Variants in PDE1C observed in about 807,000 individuals in gnomAD.
The protein encoded by PDE1C is phosphodiesterase 1C, also known as dual specificity calcium/calmodulin-dependent 3',5'-cyclic nucleotide phosphodiesterase 1C.
PDE1C carries 62 observed loss-of-function variants against 93.1 expected under a neutral mutation model. That is an observed-to-expected ratio of 0.67 (90% confidence interval 0.54 to 0.82). The LOEUF is 0.82. Among genes scored for constraint, PDE1C ranks in the 40% least tolerant of loss-of-function variants. The probability of loss-of-function intolerance (pLI) is 0.00; values close to 1 mark genes in which losing one functional copy is unlikely to be tolerated. For missense variants in PDE1C, 742 were observed against 884.6 expected (o/e 0.84, Z 2.04); for synonymous variants, 325 against 310.1 (o/e 1.05, Z -0.50).
chr7:32,244,132 G>T (rs1041322217), intron 1 of PDE1C, among the ~76,000 whole-genome samples: 1 of 152,192 alleles, frequency 6.6e-6, no homozygotes, highest in East Asian at 1.9e-4. Context: ...CACCTGATTT[G>T]TGGAATGAAT....
At chr7:31,759,752 G>A (rs930659794) in intron 17 of PDE1C, among the ~76,000 whole-genome samples, 2 of 152,036 alleles carry the variant, frequency 1.3e-5, no homozygotes, top group African/African-American at 2.4e-5. Context: ...GCTCTTTTAG[G>A]AGTTTTAACT....
chr7:32,149,764 A>G (rs1231730870), intron 3 of PDE1C, among the ~76,000 whole-genome samples: 1 of 152,236 alleles, frequency 6.6e-6, no homozygotes, highest in African/African-American at 2.4e-5. Context: ...AGGAACAATG[A>G]GTGGCATTTT....
intron 2 of PDE1C, among the ~76,000 whole-genome samples, chr7:31,927,741 A>T (rs539635457): frequency 1.3e-5 from 2 of 152,286 alleles, no homozygotes; most frequent in Non-Finnish European, 1.5e-5. Flanking sequence ...CAATAACATC[A>T]ACATCCACAA....
At chr7:31,706,465 A>G in the PDE1C span, among the ~76,000 whole-genome samples, 1 of 152,244 alleles carries the variant, frequency 6.6e-6, no homozygotes, top group Admixed American at 6.5e-5. Flanking sequence ...ATCTCAAAAT[A>G]AAGAACAGCT....
intron 2 of PDE1C, among the ~76,000 whole-genome samples, chr7:32,004,615 A>G (rs1321543662): frequency 6.6e-6 from 1 of 152,186 alleles, no homozygotes; most frequent in African/African-American, 2.4e-5. Context: ...CCTGGCAGAG[A>G]GCAGAGCCTC....
At chr7:32,265,178 C>G (rs75079956) in intron 1 of PDE1C, among the ~76,000 whole-genome samples, 110 of 152,338 alleles carry the variant, frequency 7.2e-4, no homozygotes, top group African/African-American at 2.6e-3. Context: ...TGTCTCACTA[C>G]CCCTTAGCCC....
At chr7:31,643,280 A>G in the PDE1C span, 92 of 1,613,836 alleles carry the variant, frequency 5.7e-5, no homozygotes, top group South Asian at 6.4e-4. Flanking sequence ...CTCGTACCAG[A>G]AAGCTCATCA....
intron 3 of PDE1C, among the ~76,000 whole-genome samples, chr7:32,140,257 A>C (rs1000780794): frequency 6.6e-6 from 1 of 152,222 alleles, no homozygotes. Context: ...ATGAAGTTAC[A>C]GTGGTCACCT....
chr7:31,827,139 G>T (rs923096954), intron 12 of PDE1C, among the ~76,000 whole-genome samples: 3 of 152,004 alleles, frequency 2.0e-5, no homozygotes, highest in African/African-American at 7.3e-5. Flanking sequence ...GGCTTGATAC[G>T]TCCCTCACTA....
chr7:31,957,097 T>C (rs1376583117), intron 2 of PDE1C, among the ~76,000 whole-genome samples: 3 of 151,412 alleles, frequency 2.0e-5, no homozygotes, highest in Non-Finnish European at 4.4e-5. Flanking sequence ...AAATAATTGC[T>C]CTGTATTAAA....
At chr7:32,405,928 G>T (rs1237785665) in intron 1 of PDE1C, among the ~76,000 whole-genome samples, 1 of 152,166 alleles carries the variant, frequency 6.6e-6, no homozygotes, top group South Asian at 2.1e-4. Flanking sequence ...TCCATTAGAT[G>T]AACACCCATC....
At chr7:31,774,411 A>G (rs762374700) in intron 17 of PDE1C, among the ~76,000 whole-genome samples, 1 of 152,214 alleles carries the variant, frequency 6.6e-6, no homozygotes, top group Non-Finnish European at 1.5e-5. Flanking sequence ...GGATCATGAA[A>G]TGGACAAACT....
chr7:32,340,054 G>A (rs1373138631), intron 1 of PDE1C, among the ~76,000 whole-genome samples: 1 of 152,128 alleles, frequency 6.6e-6, no homozygotes, highest in Non-Finnish European at 1.5e-5. Flanking sequence ...GAGCTTTATG[G>A]GAAGTAAGGG....
intron 2 of PDE1C, among the ~76,000 whole-genome samples, chr7:31,976,051 A>G (rs1811621476): frequency 6.6e-6 from 1 of 152,244 alleles, no homozygotes; most frequent in South Asian, 2.1e-4. Context: ...AGAAAATACT[A>G]AACTCTGCTT....
chr7:32,273,783 T>C (rs545190878), intron 1 of PDE1C, among the ~76,000 whole-genome samples: 1 of 152,348 alleles, frequency 6.6e-6, no homozygotes, highest in South Asian at 2.1e-4. Context: ...GTCAACACCA[T>C]AAATGTGGCA....
intron 17 of PDE1C, among the ~76,000 whole-genome samples, chr7:31,766,367 G>A (rs1055213980): frequency 1.4e-4 from 20 of 147,706 alleles, no homozygotes; most frequent in Non-Finnish European, 2.7e-4. Context: ...CTGGGCGACA[G>A]AGCAAGACTG....
intron 1 of PDE1C, among the ~76,000 whole-genome samples, chr7:32,401,816 C>T (rs375790832): frequency 2.0e-5 from 3 of 152,180 alleles, no homozygotes; most frequent in Non-Finnish European, 4.4e-5. Context: ...AACTCGCCTA[C>T]GTCAGAGAGT....
At chr7:32,412,162 A>G (rs1785182995) in intron 1 of PDE1C, among the ~76,000 whole-genome samples, 1 of 152,230 alleles carries the variant, frequency 6.6e-6, no homozygotes, top group South Asian at 2.1e-4. Context: ...CATTGAAAGC[A>G]GACCAAATAC....
intron 16 of PDE1C, among the ~76,000 whole-genome samples, chr7:31,777,473 C>T (rs1158165412): frequency 6.6e-6 from 1 of 152,104 alleles, no homozygotes; most frequent in Non-Finnish European, 1.5e-5. Flanking sequence ...AGACTACAGG[C>T]ATCCACCACC....
Sources: allele counts gnomAD v4.1 joint callset (sites outside exome capture counted in the v4.1 genomes callset), GRCh38; gene constraint gnomAD v4.1.1; transcripts MANE v1.5; gene names NCBI Gene and HGNC (gene_info 2026-07-23, HGNC 2026-07-21).